The following TMPO variants were observed in gnomAD, a reference collection of about 807,000 sequenced individuals.
TMPO encodes the protein LEM domain containing 4.
TMPO carries 22 observed loss-of-function variants against 45.4 expected under a neutral mutation model. That is an observed-to-expected ratio of 0.48 (90% confidence interval 0.35 to 0.69). The LOEUF (loss-of-function observed/expected upper bound fraction) is 0.69. Among genes scored for constraint, TMPO ranks in the 30% least tolerant of loss-of-function variants. The probability of loss-of-function intolerance (pLI) is 0.01; values close to 1 mark genes in which losing one functional copy is unlikely to be tolerated. For missense variants in TMPO, 512 were observed against 548.8 expected, an observed-to-expected ratio of 0.93 and a Z score of 0.67; for synonymous variants, 241 against 204.1, an observed-to-expected ratio of 1.18 and a Z score of -1.54.
At chr12:98,535,013 A>G (rs1435744876) in intron 3 of TMPO, 1 of 780,804 alleles carries the variant, frequency 1.3e-6, no homozygotes, top group Non-Finnish European at 1.6e-6. Flanking sequence ...TTTTATTAAT[A>G]GCTAAAGCAA....
chr12:98,535,482 G>A (rs1423928550), intron 3 of TMPO: 2 of 985,150 alleles, frequency 2.0e-6, no homozygotes, highest in Non-Finnish European at 2.4e-6. Flanking sequence ...GATTATATGT[G>A]TCCATCTTTG....
At chr12:98,516,857 T>C (rs1875882669) in intron 1 of TMPO, among the ~76,000 whole-genome samples, 1 of 152,264 alleles carries the variant, frequency 6.6e-6, no homozygotes, top group Admixed American at 6.5e-5. Flanking sequence ...TTGCCCAGGC[T>C]GGAGTGCAAT....
chr12:98,517,914 G>A (rs1279552963), intron 1 of TMPO, among the ~76,000 whole-genome samples: 1 of 152,202 alleles, frequency 6.6e-6, no homozygotes, highest in Non-Finnish European at 1.5e-5. Context: ...TGTAAGCCCC[G>A]CACTTTGGGA....
At chr12:98,526,652 T>C (rs926240222) in intron 1 of TMPO, among the ~76,000 whole-genome samples, 1 of 152,210 alleles carries the variant, frequency 6.6e-6, no homozygotes, top group African/African-American at 2.4e-5. Flanking sequence ...TAAGTTCTCA[T>C]ATGCTGTTTA....
chr12:98,524,091 C>G (rs1876582113), intron 1 of TMPO, among the ~76,000 whole-genome samples: 1 of 152,106 alleles, frequency 6.6e-6, no homozygotes, highest in South Asian at 2.1e-4. Flanking sequence ...GGGGCTATTC[C>G]TGTATCAGTC....
chr12:98,532,077 C>A, intron 3 of TMPO: 1 of 448,836 alleles, frequency 2.2e-6, no homozygotes, highest in Non-Finnish European at 4.0e-6. Flanking sequence ...GTCTTTTTTG[C>A]TACAAATCTC....
Position 98,532,975 on chromosome 12 carries a change from G to A in TMPO, c.565+1137G>A, listed in dbSNP as rs375903462. ...TCCTTTGGGCAGTACCGAACTACAG[G>A]CAGCTAAGAAAGTACATACTTCTAA... is the stretch of plus-strand genomic sequence containing the variant. On this transcript the variant is annotated intron_variant, in intron 3 of 8. Coordinates refer to ENST00000556029, the MANE Select transcript of TMPO (RefSeq NM_001032283.3). 36 of 1,614,012 alleles carry A rather than the reference G, an allele frequency of 2.2e-5. No individual in the cohort carries two copies. The highest frequency in any genetic ancestry group is 3.1e-5 in the Non-Finnish European group (36 of 1,180,036).
At position 98,533,501 on chromosome 12, in the gene TMPO, C is replaced by CT. The variant is rs1261891552; in HGVS notation, c.565+1664dup. 1.2e-6 allele frequency: 2 copies of CT among 1,613,970 alleles called. No individual in the cohort carries two copies. The highest frequency in any genetic ancestry group is 1.7e-5 in the Admixed American group (1 of 59,984). ...AACATACAGAAGAGAATTGATCAGT[C>CT]TAAGTTTCAAGAAACTGAATTCCTG... On this transcript the variant is annotated intron_variant, in intron 3 of 8. Coordinates refer to ENST00000556029, the MANE Select transcript of TMPO (RefSeq NM_001032283.3).
chr12:98,532,961 G>A (rs1276308319), intron 3 of TMPO: 2 of 1,614,142 alleles, frequency 1.2e-6, no homozygotes, highest in East Asian at 2.2e-5. Flanking sequence ...CCTTTGGGCA[G>A]TACCGAACTA....
intron 3 of TMPO, chr12:98,535,070 T>C: frequency 1.1e-6 from 1 of 885,418 alleles, no homozygotes. Context: ...CTTCATTGAC[T>C]GGTAGCAACC....
intron 3 of TMPO, chr12:98,535,229 T>A: frequency 1.0e-6 from 1 of 984,234 alleles, no homozygotes; most frequent in Non-Finnish European, 1.2e-6. Context: ...ATATATTGTA[T>A]TTTGTGGAAA....
At chr12:98,534,148 G>C (rs1248172660) in intron 3 of TMPO, 1 of 1,613,816 alleles carries the variant, frequency 6.2e-7, no homozygotes. Context: ...TATTTGTGAA[G>C]CTGCATTTGA....
intron 3 of TMPO, chr12:98,534,809 T>C (rs1877470750): frequency 1.0e-6 from 1 of 1,002,336 alleles, no homozygotes; most frequent in Non-Finnish European, 1.2e-6. Context: ...TTGTCCATAT[T>C]TTTGCTCATA....
At chr12:98,539,064 G>A (rs1395054256) in intron 4 of TMPO, among the ~76,000 whole-genome samples, 1 of 152,084 alleles carries the variant, frequency 6.6e-6, no homozygotes, top group African/African-American at 2.4e-5. Flanking sequence ...GCCAGGCATG[G>A]TGGTGCATGC....
intron 8 of TMPO, 29 bp downstream of exon 8, chr12:98,546,476 G>A (rs1046081588): frequency 2.9e-6 from 4 of 1,362,514 alleles, no homozygotes; most frequent in Non-Finnish European, 4.2e-6. Context: ...ACAAGTACTA[G>A]TGTATTCTAG....
intron 1 of TMPO, chr12:98,527,573 C>CAGTTTT (rs1458062208): frequency 9.8e-6 from 2 of 204,896 alleles, no homozygotes; most frequent in East Asian, 2.8e-4. Context: ...TACCCAAAGT[C>CAGTTTT]AGTTTTACTT....
chr12:98,527,019 T>A (rs73382591), intron 1 of TMPO, among the ~76,000 whole-genome samples: 1 of 151,964 alleles, frequency 6.6e-6, no homozygotes, highest in African/African-American at 2.4e-5. Flanking sequence ...TAAGCCTGTA[T>A]GGTAAAGTCT....
At chr12:98,544,918 A>T in intron 6 of TMPO, 33 bp from the exon 7 acceptor site, 1 of 1,423,740 alleles carries the variant, frequency 7.0e-7, no homozygotes, top group Non-Finnish European at 9.9e-7. Context: ...ATGTTTGGAT[A>T]ATTCTGAGTC....
At chr12:98,532,592 C>T (rs1877270114) in intron 3 of TMPO, among the ~76,000 whole-genome samples, 2 of 152,074 alleles carry the variant, frequency 1.3e-5, no homozygotes, top group Admixed American at 1.3e-4. Flanking sequence ...ATTATAAATA[C>T]AACTTGATTT....
Sources: allele counts gnomAD v4.1 joint callset (sites outside exome capture counted in the v4.1 genomes callset), GRCh38; gene constraint gnomAD v4.1.1; transcripts MANE v1.5; gene names NCBI Gene and HGNC (gene_info 2026-07-23, HGNC 2026-07-21).